Variants in ARHGAP44 observed in about 807,000 individuals in gnomAD.
The protein encoded by ARHGAP44 is rho GTPase-activating protein 44.
In ARHGAP44, 43 loss-of-function variants were observed where a neutral mutation model predicts 106.8. The ratio of observed to expected loss-of-function variants is 0.40; its 90% CI spans 0.32 to 0.52. The LOEUF is 0.52. Among genes scored for constraint, ARHGAP44 ranks in the 20% least tolerant of loss-of-function variants. ARHGAP44 has a pLI of 0.48. For missense variants in ARHGAP44, 866 were observed against 1,050.5 expected, an observed-to-expected ratio of 0.82 and a Z score of 2.43; for synonymous variants, 439 against 410.3, an observed-to-expected ratio of 1.07 and a Z score of -0.85.
At chr17:12,907,524 C>G (rs1470427169) in intron 3 of ARHGAP44, among the ~76,000 whole-genome samples, 1 of 152,156 alleles carries the variant, frequency 6.6e-6, no homozygotes, top group Admixed American at 6.5e-5. Context: ...TACTTTCTGT[C>G]TCTGTGAATT....
At chr17:12,881,756 T>C (rs2036744242) in intron 1 of ARHGAP44, among the ~76,000 whole-genome samples, 2 of 152,194 alleles carry the variant, frequency 1.3e-5, no homozygotes, top group Non-Finnish European at 2.9e-5. Flanking sequence ...TACAGTGGTA[T>C]GATCATAACT....
In ARHGAP44 at chr17:12,958,938, G is replaced by A. The variant is rs1000724325; in HGVS notation, c.1523+41G>A. The A allele has an allele frequency of 1.9e-6, 3 of 1,574,012 alleles. No homozygotes were observed. The highest frequency in any genetic ancestry group is 1.3e-5 in the African/African-American group (1 of 74,284). On this transcript the variant is annotated intron_variant, in intron 16 of 20. Transcript: ENST00000379672. This position sits in a 1 kb window ranked among gnomAD's most constrained non-coding sequence, Gnocchi z 4.1. ...TCTTTCTCAGCACTGGGGATTAGGG[G>A]AGGTGGTGGGGGTGGATGGGTGACG...
chr17:12,885,763 CT>C (rs1288243670), intron 1 of ARHGAP44, among the ~76,000 whole-genome samples: 15 of 151,930 alleles, frequency 9.9e-5, no homozygotes, highest in African/African-American at 3.6e-4. Flanking sequence ...GTATACAATT[CT>C]TATATATGTG....
intron 1 of ARHGAP44, among the ~76,000 whole-genome samples, chr17:12,818,346 A>AAC (rs1198845054): frequency 6.7e-6 from 1 of 149,340 alleles, no homozygotes; most frequent in East Asian, 1.9e-4. Context: ...AAAAAAAAAA[A>AAC]AAAAAAACAA....
intron 3 of ARHGAP44, among the ~76,000 whole-genome samples, chr17:12,898,211 G>A (rs1446630134): frequency 6.6e-6 from 1 of 152,106 alleles, no homozygotes; most frequent in Non-Finnish European, 1.5e-5. Context: ...TATTACGGAC[G>A]ATTTCTAGTT....
rs200016473 is a variant in ARHGAP44 at position 12,793,712 on chromosome 17, A to AC, written c.53+3821_53+3822insC. 4.5e-3 allele frequency among the ~76,000 whole-genome samples: 643 copies of AC among 141,600 alleles called. 9 individuals carry two copies. Among genetic ancestry groups the AC allele is most frequent in the African/African-American group, 0.016 (597 of 36,756 alleles). 92.9% of individuals were successfully genotyped at this position (141,600 alleles called of 152,430 possible). ...GACAGAGTGAGACTCCATCTCACAC[A>AC]AAAAAAAAAAAAGGAACCTGCATTC... On this transcript the variant is annotated intron_variant, in intron 1 of 20. Coordinates refer to ENST00000379672, the MANE Select transcript of ARHGAP44 (RefSeq NM_014859.6).
intron 18 of ARHGAP44, 104 bp from the exon 19 acceptor site, chr17:12,979,954 T>C (rs546638925): frequency 1.1e-5 from 14 of 1,267,816 alleles, no homozygotes; most frequent in Non-Finnish European, 1.5e-5. Context: ...TGGGACAGAC[T>C]TGCACGGGGC....
At chr17:12,964,961 T>G (rs1341696700) in intron 16 of ARHGAP44, among the ~76,000 whole-genome samples, 15 of 152,292 alleles carry the variant, frequency 9.8e-5, no homozygotes. Context: ...TCCCTACCTC[T>G]GTGTTTCCTC....
In ARHGAP44 at chr17:12,906,038, C is replaced by G. The variant is rs1255224217; in HGVS notation, c.199-2859C>G. On this transcript the variant is annotated intron_variant, in intron 3 of 20. Coordinates refer to ENST00000379672, the MANE Select transcript of ARHGAP44 (RefSeq NM_014859.6). ...TTTAGCAACATCCCTGGCCTCTACCCATCAGATGCCAATAGCATCTCCCAT... is the reference window on the plus strand; with the variant it reads ...TTTAGCAACATCCCTGGCCTCTACCGATCAGATGCCAATAGCATCTCCCAT... Among the ~76,000 whole-genome samples the G allele has an allele frequency of 2.0e-5, 3 of 152,156 alleles. No individual in the cohort carries two copies. In the East Asian group the frequency reaches 5.8e-4, roughly 29 times the overall value.
intron 7 of ARHGAP44, among the ~76,000 whole-genome samples, chr17:12,930,100 G>T (rs2038355267): frequency 6.6e-6 from 1 of 152,202 alleles, no homozygotes; most frequent in African/African-American, 2.4e-5. Context: ...GATTTTTTGT[G>T]AGTGCAGCTG....
At chr17:12,909,267 C>T (rs1331734409) in intron 4 of ARHGAP44, among the ~76,000 whole-genome samples, 1 of 152,018 alleles carries the variant, frequency 6.6e-6, no homozygotes, top group Non-Finnish European at 1.5e-5. Flanking sequence ...TCAGAACTTA[C>T]GAGATTCTCA....
chr17:12,810,015 G>T (rs2034390882), intron 1 of ARHGAP44, among the ~76,000 whole-genome samples: 1 of 152,114 alleles, frequency 6.6e-6, no homozygotes, highest in Non-Finnish European at 1.5e-5. Context: ...TCAGCAGGGG[G>T]GTGGAACTGA....
chr17:12,871,725 T>A (rs2150883555), intron 1 of ARHGAP44, among the ~76,000 whole-genome samples: 2 of 152,210 alleles, frequency 1.3e-5, no homozygotes, highest in Middle Eastern at 6.8e-3. Flanking sequence ...GTACTGTTCT[T>A]GTGATAGTGA....
intron 18 of ARHGAP44, among the ~76,000 whole-genome samples, chr17:12,975,730 G>A (rs546848603): frequency 4.1e-5 from 6 of 147,866 alleles, no homozygotes; most frequent in Admixed American, 2.1e-4. Context: ...CCCAGGAGGC[G>A]GAGCTTGCAG....
chr17:12,963,309 G>A (rs565831783), intron 16 of ARHGAP44, among the ~76,000 whole-genome samples: 1 of 152,268 alleles, frequency 6.6e-6, no homozygotes, highest in South Asian at 2.1e-4. Context: ...GACTGCTGAG[G>A]CCAGGTCAGA....
At chr17:12,888,501 C>T (rs1489933911) in intron 1 of ARHGAP44, among the ~76,000 whole-genome samples, 1 of 152,056 alleles carries the variant, frequency 6.6e-6, no homozygotes, top group African/African-American at 2.4e-5. Context: ...TTTTGTAGTT[C>T]CAGATGCTGT....
At chr17:12,943,781 C>A in intron 9 of ARHGAP44, 112 bp downstream of exon 9, 1 of 1,169,358 alleles carries the variant, frequency 8.6e-7, no homozygotes, top group Non-Finnish European at 1.2e-6. Flanking sequence ...AACAGCATCA[C>A]CTGTAGATGA....
intron 3 of ARHGAP44, among the ~76,000 whole-genome samples, chr17:12,899,572 A>G (rs1022417220): frequency 6.9e-6 from 1 of 144,824 alleles, no homozygotes; most frequent in Middle Eastern, 3.5e-3. Flanking sequence ...ATGGGTGAAA[A>G]GGAAAAGAAA....
At chr17:12,943,904 C>T (rs1257798665) in intron 9 of ARHGAP44, among the ~76,000 whole-genome samples, 165 bp from the exon 10 acceptor site, 2 of 152,120 alleles carry the variant, frequency 1.3e-5, no homozygotes, top group African/African-American at 2.4e-5. Context: ...CCCCCACCCC[C>T]TCCTCCAGTC....
Sources: allele counts gnomAD v4.1 joint callset (sites outside exome capture counted in the v4.1 genomes callset), GRCh38; gene constraint gnomAD v4.1.1; non-coding constraint Gnocchi (gnomAD v3.1); transcripts MANE v1.5; gene names NCBI Gene and HGNC (gene_info 2026-07-23, HGNC 2026-07-21).